Variants in CSMD1 observed in about 807,000 individuals in gnomAD.
CSMD1 encodes CUB and Sushi multiple domains 1.
CSMD1 carries 213 observed loss-of-function variants against 417.5 expected under a neutral mutation model. That is an observed-to-expected ratio of 0.51 (90% confidence interval 0.46 to 0.57). The LOEUF is 0.57. CSMD1 is among the 20% of genes least tolerant of loss of function. The pLI, the probability that CSMD1 is intolerant of heterozygous loss-of-function variation, is 0.00. For synonymous variants in CSMD1, 2,862 were observed against 1,736.8 expected (o/e 1.65, Z -16.11); for missense variants, 6,923 against 4,529.7 (o/e 1.53, Z -15.17).
chr8:4,044,363 T>A (rs574982388), intron 3 of CSMD1, among the ~76,000 whole-genome samples: 16 of 152,212 alleles, frequency 1.1e-4, no homozygotes, highest in African/African-American at 3.4e-4. Flanking sequence ...TATTTACTGA[T>A]AAGAACCTTG....
At chr8:4,523,504 G>A (rs888320543) in intron 2 of CSMD1, among the ~76,000 whole-genome samples, 1 of 152,054 alleles carries the variant, frequency 6.6e-6, no homozygotes, top group Non-Finnish European at 1.5e-5. Flanking sequence ...TAGGATGGCT[G>A]TTGCTAGTTT....
At chr8:4,241,325 G>T (rs553639523) in intron 3 of CSMD1, among the ~76,000 whole-genome samples, 1 of 152,114 alleles carries the variant, frequency 6.6e-6, no homozygotes, top group Non-Finnish European at 1.5e-5. Context: ...CATATTTCAC[G>T]CCTTTGCCTA....
intron 3 of CSMD1, among the ~76,000 whole-genome samples, chr8:4,239,154 C>A (rs1000484756): frequency 2.0e-5 from 3 of 152,198 alleles, no homozygotes; most frequent in Non-Finnish European, 2.9e-5. Flanking sequence ...AAAATCATTA[C>A]GTTCTCCACC....
At chr8:4,540,658 C>G (rs574737569) in intron 2 of CSMD1, among the ~76,000 whole-genome samples, 9 of 152,224 alleles carry the variant, frequency 5.9e-5, no homozygotes, top group Admixed American at 5.9e-4. Flanking sequence ...TAACAGTGTA[C>G]AAAGGTCAGG....
intron 1 of CSMD1, among the ~76,000 whole-genome samples, chr8:4,700,259 G>T (rs924456620): frequency 2.6e-5 from 4 of 152,012 alleles, no homozygotes; most frequent in East Asian, 1.9e-4. Context: ...TTTCTAGCAG[G>T]AAAGGTGAAA....
At chr8:3,728,677 T>C (rs563217393) in intron 6 of CSMD1, among the ~76,000 whole-genome samples, 2 of 152,212 alleles carry the variant, frequency 1.3e-5, no homozygotes, top group East Asian at 1.9e-4. Context: ...AAGGAGAAAG[T>C]AGAAAGAGTG....
intron 2 of CSMD1, among the ~76,000 whole-genome samples, chr8:4,528,957 T>C (rs1231045693): frequency 6.6e-6 from 1 of 152,230 alleles, no homozygotes; most frequent in African/African-American, 2.4e-5. Context: ...ACATACTGTA[T>C]TTTTGTTAGG....
At chr8:4,063,757 A>C (rs956767531) in intron 3 of CSMD1, among the ~76,000 whole-genome samples, 2 of 152,128 alleles carry the variant, frequency 1.3e-5, no homozygotes, top group Non-Finnish European at 2.9e-5. Flanking sequence ...TTTTGAATCT[A>C]AATTTCATAT....
At chr8:4,113,804 C>T (rs541888640) in intron 3 of CSMD1, among the ~76,000 whole-genome samples, 2 of 152,164 alleles carry the variant, frequency 1.3e-5, no homozygotes, top group South Asian at 2.1e-4. Context: ...ACCAAACCAG[C>T]TACAACATTC....
intron 3 of CSMD1, among the ~76,000 whole-genome samples, chr8:4,072,212 A>G (rs1213874496): frequency 4.6e-5 from 7 of 152,068 alleles, no homozygotes; most frequent in Non-Finnish European, 1.0e-4. Context: ...TTATTTTTAT[A>G]TTTCATCCAC....
At chr8:4,389,559 C>T (rs902711761) in intron 3 of CSMD1, among the ~76,000 whole-genome samples, 4 of 151,950 alleles carry the variant, frequency 2.6e-5, no homozygotes, top group African/African-American at 9.7e-5. Flanking sequence ...GTTAATTTAT[C>T]AAAAGAACAA....
chr8:4,498,412 T>C (rs1433005732), intron 2 of CSMD1, among the ~76,000 whole-genome samples: 1 of 152,216 alleles, frequency 6.6e-6, no homozygotes, highest in African/African-American at 2.4e-5. Context: ...AATCAGTTCA[T>C]AATATTAATG....
intron 3 of CSMD1, among the ~76,000 whole-genome samples, chr8:4,308,408 T>A (rs1018728175): frequency 6.1e-5 from 9 of 147,340 alleles, no homozygotes; most frequent in African/African-American, 2.4e-4. Flanking sequence ...TGCATGTGTG[T>A]GTGTGTTATG....
chr8:4,366,154 C>T (rs915673453), intron 3 of CSMD1, among the ~76,000 whole-genome samples: 3 of 152,060 alleles, frequency 2.0e-5, no homozygotes, highest in African/African-American at 7.2e-5. Context: ...GTTTCACTCC[C>T]GTTTATGAGA....
At chr8:3,296,757 T>G (rs1803999879) in intron 25 of CSMD1, among the ~76,000 whole-genome samples, 2 of 152,080 alleles carry the variant, frequency 1.3e-5, no homozygotes, top group South Asian at 4.1e-4. Context: ...GGTTTGTCCC[T>G]CAGAAACTGG....
chr8:3,749,367 T>C (rs180760394), intron 6 of CSMD1, among the ~76,000 whole-genome samples: 1 of 152,168 alleles, frequency 6.6e-6, no homozygotes, highest in Non-Finnish European at 1.5e-5. Flanking sequence ...ATTTTAAAAG[T>C]GAATAGATTT....
chr8:4,895,879 C>A (rs1215046875), intron 1 of CSMD1, among the ~76,000 whole-genome samples: 1 of 152,094 alleles, frequency 6.6e-6, no homozygotes, highest in Admixed American at 6.5e-5. Context: ...CCTTTTGTTA[C>A]TTCCCCTGTT....
chr8:3,912,328 C>G (rs2954624), intron 5 of CSMD1, among the ~76,000 whole-genome samples: 7 of 152,002 alleles, frequency 4.6e-5, no homozygotes, highest in Non-Finnish European at 7.4e-5. Flanking sequence ...ACGTACTAAT[C>G]AATCTGGTTT....
chr8:4,134,255 A>G (rs1428938501), intron 3 of CSMD1, among the ~76,000 whole-genome samples: 1 of 152,196 alleles, frequency 6.6e-6, no homozygotes, highest in African/African-American at 2.4e-5. Flanking sequence ...GATATATTAA[A>G]TGCCATTGCC....
Sources: allele counts gnomAD v4.1 joint callset (sites outside exome capture counted in the v4.1 genomes callset), GRCh38; gene constraint gnomAD v4.1.1; transcripts MANE v1.5; gene names NCBI Gene and HGNC (gene_info 2026-07-23, HGNC 2026-07-21).